Variants in MX2 observed in about 807,000 individuals in gnomAD.
The protein encoded by MX2 is interferon-induced GTP-binding protein Mx2.
In MX2, 51 loss-of-function variants were observed where a neutral mutation model predicts 74.0. The ratio of observed to expected loss-of-function variants is 0.69; its 90% CI spans 0.55 to 0.87. The LOEUF (loss-of-function observed/expected upper bound fraction) is 0.87. Ranked by LOEUF, MX2 falls within the 40% of genes least tolerant of loss-of-function variation. The probability of loss-of-function intolerance (pLI) is 0.00; values close to 1 mark genes in which losing one functional copy is unlikely to be tolerated. For synonymous variants in MX2, 369 were observed against 339.3 expected (o/e 1.09, Z -0.96); for missense variants, 832 against 908.7 (o/e 0.92, Z 1.09).
chr21:41,377,260 C>A (rs2089418505), intron 2 of MX2, 105 bp downstream of exon 2: 3 of 1,485,060 alleles, frequency 2.0e-6, no homozygotes, highest in Non-Finnish European at 9.1e-7. Context: ...GTCTGCTCCT[C>A]CAGCACAGCT....
At chr21:41,385,291 G>A (rs2089556183) in intron 5 of MX2, among the ~76,000 whole-genome samples, 1 of 152,188 alleles carries the variant, frequency 6.6e-6, no homozygotes, top group Admixed American at 6.5e-5. Flanking sequence ...GCCACTGATG[G>A]TTTGGCTGTG....
intron 12 of MX2, chr21:41,404,017 C>T (rs2089852401): frequency 1.5e-5 from 3 of 205,342 alleles, no homozygotes; most frequent in African/African-American, 2.4e-5. Flanking sequence ...CGGGTGCCTG[C>T]TCATGGGGTG....
intron 3 of MX2, among the ~76,000 whole-genome samples, chr21:41,379,003 G>A (rs1243286245): frequency 2.6e-5 from 4 of 152,192 alleles, no homozygotes; most frequent in East Asian, 1.9e-4. Context: ...AGGGCTGCCC[G>A]GACCCTGCAC....
intron 6 of MX2, among the ~76,000 whole-genome samples, chr21:41,392,465 G>T (rs1203553412): frequency 6.6e-6 from 1 of 152,162 alleles, no homozygotes; most frequent in Non-Finnish European, 1.5e-5. Flanking sequence ...AGGGTAGTCG[G>T]ACTCATACAG....
At position 41,402,264 on chromosome 21, in the gene MX2, T is replaced by G. The variant is rs1401205726; in HGVS notation, c.1573+136T>G. On this transcript the variant is annotated intron_variant, in intron 11 of 13. Coordinates refer to ENST00000330714, the MANE Select transcript of MX2 (RefSeq NM_002463.2). This position sits in a 1 kb window ranked among gnomAD's most constrained non-coding sequence, Gnocchi z 4.5. ...GCTCACTGGTGTGCTAGATTGCTAC[T>G]CTGTGTGGTCTGTGAGCCAGCAGCA... 1 of 1,008,006 alleles carries G rather than the reference T, an allele frequency of 9.9e-7. No individual in the cohort carries two copies. Among genetic ancestry groups the G allele is most frequent in the African/African-American group, 1.6e-5 (1 of 61,182 alleles). The allele number at this position is 1,008,006 out of a possible 1,614,324, so 62.4% of individuals were successfully genotyped here.
At position 41,390,718 on chromosome 21, in the gene MX2, C is replaced by A; in HGVS notation, c.871+15C>A. ...CAGGACCATCGGTAAGAGGAAAGAACCAAGTGGCCGGGTGCGGTGGCTCAA... is the reference window on the plus strand; with the variant it reads ...CAGGACCATCGGTAAGAGGAAAGAAACAAGTGGCCGGGTGCGGTGGCTCAA... On this transcript the variant is annotated intron_variant, in intron 6 of 13. Coordinates refer to ENST00000330714, the MANE Select transcript of MX2 (RefSeq NM_002463.2). The A allele has an allele frequency of 6.2e-7, 1 of 1,613,074 alleles. No individual in the cohort carries two copies. The highest frequency in any genetic ancestry group is 8.5e-7 in the Non-Finnish European group (1 of 1,179,402).
rs1370482006 is a variant in MX2 at position 41,363,078 on chromosome 21, A to G, written c.-72+1023A>G. On this transcript the variant is annotated intron_variant, in intron 1 of 13. Coordinates refer to ENST00000330714, the MANE Select transcript of MX2 (RefSeq NM_002463.2). The surrounding 1 kb of genome is among the most constrained non-coding windows in gnomAD (Gnocchi z 4.2). ...TCGGCTTTGATGACACCTTTTGAAC[A>G]CTGTTCTTTCTCATTTTGTGTTTAG... is the stretch of plus-strand genomic sequence containing the variant. 2.6e-5 allele frequency among the ~76,000 whole-genome samples: 4 copies of G among 151,884 alleles called. No individual in the cohort carries two copies.
At position 41,386,151 on chromosome 21, in the gene MX2, C is replaced by T. The variant is rs568909669; in HGVS notation, c.732+3587C>T. Among the ~76,000 whole-genome samples the T allele has an allele frequency of 3.2e-5, 4 of 123,466 alleles. No homozygotes were observed. In the East Asian group the frequency reaches 8.5e-4, roughly 26 times the overall value. The allele number at this position is 123,466 out of a possible 152,430, so 81.0% of individuals were successfully genotyped here. Reference sequence around the variant, plus strand: ...AGGAGAATCACTCGAACCCGGGAGGCGGAGCTTGCAGTGAGCTGAGATCAC... The same window carrying T: ...AGGAGAATCACTCGAACCCGGGAGGTGGAGCTTGCAGTGAGCTGAGATCAC... On this transcript the variant is annotated intron_variant, in intron 5 of 13. Coordinates refer to ENST00000330714, the MANE Select transcript of MX2 (RefSeq NM_002463.2).
chr21:41,362,762 T>TG (rs367623128), intron 1 of MX2, among the ~76,000 whole-genome samples: 1 of 125,280 alleles, frequency 8.0e-6, no homozygotes. Context: ...TTTTTTTTTT[T>TG]TTTTTTTTTT....
chr21:41,395,975 G>A (rs2089729836), intron 7 of MX2, among the ~76,000 whole-genome samples, 190 bp downstream of exon 7: 1 of 152,196 alleles, frequency 6.6e-6, no homozygotes, highest in Non-Finnish European at 1.5e-5. Flanking sequence ...TCCAATGATG[G>A]TGCTGATTAA....
Position 41,380,373 on chromosome 21 carries a change from GC to G in MX2, c.577+223del, listed in dbSNP as rs1198020575. On this transcript the variant is annotated intron_variant, in intron 4 of 13. Transcript: ENST00000330714. The surrounding 1 kb of genome is among the most constrained non-coding windows in gnomAD (Gnocchi z 4.3). ...ATCCCATGCCGAGGACCCTCTGGTG[GC>G]TTCCCTTAGCAGCCTGCAGCCCACG... Among the ~76,000 whole-genome samples, 1 of 152,090 alleles carries G rather than the reference GC, an allele frequency of 6.6e-6. No individual in the cohort carries two copies.
chr21:41,403,604 C>A, intron 12 of MX2: 1 of 697,970 alleles, frequency 1.4e-6, no homozygotes. Flanking sequence ...CACGACCTTA[C>A]GCAGGATGTG....
In MX2 at chr21:41,377,882, G is replaced by A. The variant is rs747345695; in HGVS notation, c.343G>A (p.Asp115Asn). ...CCTGCGGGCTCTGGGTGTGGAGCAG[G>A]ACCTGGCCCTGCCAGCCATCGCCGT... Reference protein sequence around the residue: ...DSLRALGVEQDLALPAIAVIG... With the variant: ...DSLRALGVEQNLALPAIAVIG... The change falls in exon 3 of 14, where the codon GAC becomes AAC. Residue 115 changes from aspartate to asparagine, a missense_variant. Asp to Asn is a conservative substitution (Grantham distance 23, BLOSUM62 1). Coordinates refer to ENST00000330714, the MANE Select transcript of MX2 (RefSeq NM_002463.2). The A allele has an allele frequency of 1.9e-6, 3 of 1,614,194 alleles. No homozygotes were observed. Among genetic ancestry groups the A allele is most frequent in the Admixed American group, 3.3e-5 (2 of 60,022 alleles).
intron 5 of MX2, among the ~76,000 whole-genome samples, chr21:41,385,964 A>G (rs912163536): frequency 2.0e-5 from 3 of 152,126 alleles, no homozygotes; most frequent in Non-Finnish European, 4.4e-5. Context: ...GGCTTGGTCA[A>G]CTCAGAGCTG....
At chr21:41,372,104 A>G (rs1303659604) in intron 1 of MX2, among the ~76,000 whole-genome samples, 1 of 152,208 alleles carries the variant, frequency 6.6e-6, no homozygotes, top group African/African-American at 2.4e-5. Flanking sequence ...CTGAGAATAG[A>G]AAGTCTAGCA....
At chr21:41,395,151 G>A (rs73905353) in intron 6 of MX2, among the ~76,000 whole-genome samples, 4,413 of 152,160 alleles carry the variant, frequency 0.029, 197 homozygotes, top group East Asian at 0.14. Context: ...GGACAGAGGA[G>A]GGGGAGAGGA....
At chr21:41,382,309 C>A in intron 4 of MX2, 101 bp from the exon 5 acceptor site, 6 of 1,402,846 alleles carry the variant, frequency 4.3e-6, no homozygotes, top group Non-Finnish European at 5.7e-6. Flanking sequence ...CCTACTGAAG[C>A]TCTCATACCC....
intron 1 of MX2, among the ~76,000 whole-genome samples, chr21:41,369,897 C>A (rs2089300893): frequency 6.6e-6 from 1 of 151,644 alleles, no homozygotes; most frequent in African/African-American, 2.4e-5. Context: ...GTCCCATCAG[C>A]AAAGTCGGGG....
Position 41,377,905 on chromosome 21 carries a change from C to T in MX2, c.366C>T (p.Ala122=), listed in dbSNP as rs144910545. ...AGGACCTGGCCCTGCCAGCCATCGC[C>T]GTCATCGGGGACCAGAGCTCGGGCA... is the stretch of plus-strand genomic sequence containing the variant. The part of the protein sequence containing the change: ...VEQDLALPAI[A]VIGDQSSGKS... The change falls in exon 3 of 14, where the codon GCC becomes GCT. Residue 122 remains alanine, a synonymous_variant. Coordinates refer to ENST00000330714, the MANE Select transcript of MX2 (RefSeq NM_002463.2). The T allele has an allele frequency of 1.1e-4, 176 of 1,614,214 alleles. No homozygotes were observed. In the African/African-American group the frequency reaches 1.7e-3, roughly 16 times the overall value.
Sources: gnomAD v4.1 joint callset for allele counts (sites outside exome capture counted in the v4.1 genomes callset) on GRCh38, gnomAD v4.1.1 for gene constraint, Gnocchi (gnomAD v3.1) non-coding constraint, MANE v1.5 for transcripts, NCBI Gene and HGNC (gene_info 2026-07-23, HGNC 2026-07-21) for gene names.